The following TSNARE1 variants were observed in gnomAD, a reference collection of about 807,000 sequenced individuals.
TSNARE1 encodes the protein t-SNARE domain containing 1, also known as t-SNARE domain-containing protein 1.
TSNARE1 carries 49 observed loss-of-function variants against 62.0 expected under a neutral mutation model. That is an observed-to-expected ratio of 0.79 (90% CI 0.63 to 1.00). The LOEUF is 1.00. Among genes scored for constraint, TSNARE1 ranks in the 50% least tolerant of loss-of-function variants. TSNARE1 has a pLI of 0.00. For synonymous variants in TSNARE1, 328 were observed against 294.4 expected (o/e 1.11, Z -1.17); for missense variants, 755 against 700.1 (o/e 1.08, Z -0.88).
At chr8:142,390,678 A>G (rs559007451) in intron 1 of TSNARE1, among the ~76,000 whole-genome samples, 8 of 3,854 alleles carry the variant, frequency 2.1e-3, no homozygotes, top group African/African-American at 3.6e-3. Context: ...GGACTCCGTA[A>G]CAGACGCTGT....
At chr8:142,331,403 T>C (rs865928844) in intron 5 of TSNARE1, among the ~76,000 whole-genome samples, 6 of 152,212 alleles carry the variant, frequency 3.9e-5, no homozygotes, top group Middle Eastern at 3.4e-3. Flanking sequence ...CTGGGCTCCA[T>C]CCAGATCACA....
intron 11 of TSNARE1, chr8:142,276,767 A>G: frequency 1.0e-6 from 1 of 985,360 alleles, no homozygotes; most frequent in Non-Finnish European, 1.2e-6. Context: ...CAGAATGGGG[A>G]CTGATGTCCT....
At chr8:142,401,636 G>T (rs1432414417) in intron 1 of TSNARE1, among the ~76,000 whole-genome samples, 4 of 152,174 alleles carry the variant, frequency 2.6e-5, no homozygotes, top group Non-Finnish European at 5.9e-5. Context: ...TCCAGGGAAG[G>T]TTCCTGGATA....
chr8:142,363,570 A>G (rs1366823340), intron 1 of TSNARE1, among the ~76,000 whole-genome samples: 1 of 152,116 alleles, frequency 6.6e-6, no homozygotes, highest in African/African-American at 2.4e-5. Flanking sequence ...CAGGAACACA[A>G]AAACACAACC....
chr8:142,356,579 A>G (rs1186551151), intron 1 of TSNARE1, among the ~76,000 whole-genome samples: 1 of 152,220 alleles, frequency 6.6e-6, no homozygotes, highest in African/African-American at 2.4e-5. Context: ...ACATGGGGGA[A>G]ACACAGCGTG....
chr8:142,296,290 G>C (rs1209886066), intron 10 of TSNARE1, among the ~76,000 whole-genome samples: 1 of 65,320 alleles, frequency 1.5e-5, no homozygotes, highest in Non-Finnish European at 3.1e-5. Context: ...TGATGGTCAT[G>C]GGGGAGGGGG....
In TSNARE1 at chr8:142,359,383, C is replaced by A. The variant is rs528557681; in HGVS notation, c.-39-4620G>T. On this transcript the variant is annotated intron_variant, in intron 1 of 13. Transcript: ENST00000524325. ...CCAGTGCATCATCACCCCAGCCCTG[C>A]CCTGACCTCAGCACATCCCAGCAGG... is the stretch of plus-strand genomic sequence containing the variant. Among the ~76,000 whole-genome samples the A allele has an allele frequency of 2.0e-5, 3 of 152,314 alleles. No homozygotes were observed. In the East Asian group the frequency reaches 5.8e-4, roughly 29 times the overall value.
chr8:142,279,495 C>G (rs1275412769), intron 11 of TSNARE1, among the ~76,000 whole-genome samples: 3 of 152,234 alleles, frequency 2.0e-5, no homozygotes, highest in Non-Finnish European at 4.4e-5. Flanking sequence ...TAGCGCTCAC[C>G]TCTCTACAGT....
rs143833309 is a variant in TSNARE1 at position 142,347,264 on chromosome 8, G to A, written c.89-1372C>T. Among the ~76,000 whole-genome samples, 785 of 152,342 alleles carry A rather than the reference G, an allele frequency of 5.2e-3. 2 individuals carry two copies. Among genetic ancestry groups the A allele is most frequent in the Non-Finnish European group, 9.1e-3 (618 of 68,030 alleles). On this transcript the variant is annotated intron_variant, in intron 2 of 13. Coordinates refer to ENST00000524325, the MANE Select transcript of TSNARE1 (RefSeq NM_145003.5). ...TGGAGGGGATGGAGAGGGAGCAGCC[G>A]CAGCCTGGAGACAGACACTGCCCTG... is the stretch of plus-strand genomic sequence containing the variant.
intron 10 of TSNARE1, among the ~76,000 whole-genome samples, chr8:142,294,894 T>C (rs1279272004): frequency 6.6e-6 from 1 of 152,158 alleles, no homozygotes; most frequent in African/African-American, 2.4e-5. Flanking sequence ...GGCCTCTCCA[T>C]CTTCTCCCCC....
intron 3 of TSNARE1, among the ~76,000 whole-genome samples, chr8:142,345,114 G>A (rs1199649531): frequency 2.6e-5 from 4 of 152,262 alleles, no homozygotes; most frequent in Non-Finnish European, 5.9e-5. Context: ...AGGGAACAGG[G>A]CTGCACTGGC....
At chr8:142,256,153 GTCACCATCACCACCACCA>G (rs1346109286) in intron 12 of TSNARE1, among the ~76,000 whole-genome samples, 1 of 17,778 alleles carries the variant, frequency 5.6e-5, no homozygotes, top group Admixed American at 6.2e-4. Context: ...CACCACCACT[GTCACCATCACCACCACCA>G]TCACCATCAC....
chr8:142,218,388 G>T (rs959268577), intron 13 of TSNARE1, among the ~76,000 whole-genome samples: 2 of 152,298 alleles, frequency 1.3e-5, no homozygotes, highest in East Asian at 1.9e-4. Context: ...AGACCACTTT[G>T]TGGGCTCCCT....
chr8:142,315,398 G>C (rs1414534020), intron 7 of TSNARE1, among the ~76,000 whole-genome samples: 1 of 152,336 alleles, frequency 6.6e-6, no homozygotes, highest in Admixed American at 6.5e-5. Context: ...CTTCCACAGC[G>C]CAGGACGTCG....
chr8:142,344,125 G>A lies in TSNARE1; in HGVS notation c.586C>T (p.Arg196Trp), dbSNP rs1281724078. Residue 196 changes from arginine to tryptophan, a missense_variant, in exon 4 of 14, where the codon CGG becomes TGG. Transcript: ENST00000524325. ...HKWRDLRAVV[R>W]RKLGDLRKAA... Reference sequence around the variant, plus strand: ...TTCCGGAGGTCGCCCAGCTTGCGCCGCACGACGGCTCGTAGGTCCCGCCAC... The same window carrying A: ...TTCCGGAGGTCGCCCAGCTTGCGCCACACGACGGCTCGTAGGTCCCGCCAC... 7.4e-6 allele frequency: 12 copies of A among 1,612,240 alleles called. No individual in the cohort carries two copies. In the East Asian group the frequency reaches 8.9e-5, roughly 12 times the overall value.
intron 1 of TSNARE1, among the ~76,000 whole-genome samples, chr8:142,372,631 T>C (rs1232972601): frequency 6.6e-6 from 1 of 152,174 alleles, no homozygotes; most frequent in Non-Finnish European, 1.5e-5. Context: ...CGAGCCTCTG[T>C]GCCCCTCCTC....
chr8:142,366,939 T>A (rs1835591093), intron 1 of TSNARE1, among the ~76,000 whole-genome samples: 1 of 152,170 alleles, frequency 6.6e-6, no homozygotes, highest in Admixed American at 6.5e-5. Flanking sequence ...GGATATAAAA[T>A]TAACATACAG....
intron 1 of TSNARE1, among the ~76,000 whole-genome samples, chr8:142,370,291 A>C (rs1034568708): frequency 6.6e-6 from 1 of 152,234 alleles, no homozygotes; most frequent in Non-Finnish European, 1.5e-5. Context: ...CAGAGAGGCC[A>C]GGTATGGTGG....
rs1421108029 is a variant in TSNARE1 at position 142,350,072 on chromosome 8, GGGCAGGCAGGGCAGGC to G, written c.89-4196_89-4181del. Among the ~76,000 whole-genome samples, 253 of 57,008 alleles carry G rather than the reference GGGCAGGCAGGGCAGGC, an allele frequency of 4.4e-3. 4 individuals carry two copies. The highest frequency in any genetic ancestry group is 0.04 in the African/African-American group (231 of 5,788). The allele number at this position is 57,008 out of a possible 152,430, so 37.4% of individuals were successfully genotyped here. The stretch of plus-strand genomic sequence containing the variant: ...ACCAGGGCAGGCAGGGCTGGGACCA[GGGCAGGCAGGGCAGGC>G]AGGGCAGGCAGGGCAGGCAGGGCAG... On this transcript the variant is annotated intron_variant, in intron 2 of 13. Coordinates refer to ENST00000524325, the MANE Select transcript of TSNARE1 (RefSeq NM_145003.5).
Sources: gnomAD v4.1 joint callset for allele counts (sites outside exome capture counted in the v4.1 genomes callset) on GRCh38, gnomAD v4.1.1 for gene constraint, MANE v1.5 for transcripts, NCBI Gene and HGNC (gene_info 2026-07-23, HGNC 2026-07-21) for gene names.